PATJ: variants seen among roughly 807,000 people sequenced by gnomAD.
The protein encoded by PATJ is PATJ crumbs cell polarity complex component.
Under a neutral mutation model 224.9 loss-of-function variants are expected in PATJ, and 190 were observed. The ratio of observed to expected loss-of-function variants is 0.84; its 90% CI spans 0.75 to 0.95. The LOEUF (loss-of-function observed/expected upper bound fraction) is 0.95, where lower values mean the gene tolerates loss of function less well. PATJ is among the 40% of genes least tolerant of loss of function. The probability of loss-of-function intolerance (pLI) is 0.00; values close to 1 mark genes in which losing one functional copy is unlikely to be tolerated. For missense variants in PATJ, 2,121 were observed against 2,270.3 expected (o/e 0.93, Z 1.34); for synonymous variants, 769 against 820.3 (o/e 0.94, Z 1.07).
In PATJ at chr1:61,944,107, G is replaced by A. The variant is rs538093207; in HGVS notation, c.3670+16278G>A. On this transcript the variant is annotated intron_variant, in intron 27 of 43. Coordinates refer to ENST00000642238, the MANE Select transcript of PATJ (RefSeq NM_001350145.3). The stretch of plus-strand genomic sequence containing the variant: ...GGGACCAAAGGTAGATAAAACCATG[G>A]AGATGGGGAGAAACCAGAGCAGAAA... Among the ~76,000 whole-genome samples the A allele has an allele frequency of 4.0e-3, 615 of 152,292 alleles. 3 individuals carry two copies. The highest frequency in any genetic ancestry group is 0.01 in the Middle Eastern group (3 of 294).
At position 61,864,634 on chromosome 1, in the gene PATJ, G is replaced by T. The variant is rs779335424; in HGVS notation, c.2835+1G>T. On this transcript the variant is annotated splice_donor_variant, in intron 20 of 43. Coordinates refer to ENST00000642238, the MANE Select transcript of PATJ (RefSeq NM_001350145.3). LOFTEE classifies it high-confidence loss of function. Reference sequence around the variant, plus strand: ...GTATGGCTATTGCCCTGAAAATGTGGTAAGAGATTAGAATAGATATTCCAC... The same window carrying T: ...GTATGGCTATTGCCCTGAAAATGTGTTAAGAGATTAGAATAGATATTCCAC... 1.4e-5 allele frequency: 22 copies of T among 1,585,524 alleles called. No individual in the cohort carries two copies. Among genetic ancestry groups the T allele is most frequent in the Admixed American group, 1.0e-4 (6 of 59,576 alleles).
chr1:61,745,715 T>C (rs1644988567), intron 1 of PATJ, among the ~76,000 whole-genome samples: 2 of 151,564 alleles, frequency 1.3e-5, no homozygotes, highest in Non-Finnish European at 2.9e-5. Flanking sequence ...GCGCTTCTCT[T>C]GCCTCAGCTT....
chr1:61,756,526 A>C (rs774491223), intron 1 of PATJ, among the ~76,000 whole-genome samples: 2 of 149,306 alleles, frequency 1.3e-5, no homozygotes, highest in African/African-American at 2.5e-5. Flanking sequence ...AGAACCACTA[A>C]CCTAGGGTAG....
intron 22 of PATJ, among the ~76,000 whole-genome samples, chr1:61,890,126 G>T (rs1669395150): frequency 6.6e-6 from 1 of 152,122 alleles, no homozygotes; most frequent in African/African-American, 2.4e-5. Context: ...ACCCTGAAAG[G>T]GTTTCCTTTG....
intron 14 of PATJ, among the ~76,000 whole-genome samples, chr1:61,809,586 C>G (rs781703370): frequency 4.1e-4 from 62 of 151,782 alleles, no homozygotes; most frequent in Admixed American, 1.6e-3. Flanking sequence ...GAGGTTTCTC[C>G]CTGTTGGTCA....
At chr1:62,001,787 T>C (rs113752825) in intron 28 of PATJ, among the ~76,000 whole-genome samples, 5,342 of 151,910 alleles carry the variant, frequency 0.035, 229 homozygotes, top group African/African-American at 0.1. Context: ...TATGGCCATT[T>C]TCACGATATT....
At chr1:62,090,292 C>T (rs950705625) in intron 33 of PATJ, among the ~76,000 whole-genome samples, 2 of 152,104 alleles carry the variant, frequency 1.3e-5, no homozygotes. Context: ...TTGGTGGATG[C>T]GGCTCTTCTG....
chr1:62,147,494 A>G (rs991154328), intron 41 of PATJ, among the ~76,000 whole-genome samples: 11 of 152,108 alleles, frequency 7.2e-5, no homozygotes, highest in Non-Finnish European at 1.3e-4. Context: ...AACTCCCTCT[A>G]CAAATACAAA....
chr1:61,988,114 G>T (rs529279124), intron 27 of PATJ, among the ~76,000 whole-genome samples: 1 of 152,152 alleles, frequency 6.6e-6, no homozygotes, highest in Non-Finnish European at 1.5e-5. Flanking sequence ...CACAAGAATC[G>T]CTTGAACCTG....
intron 32 of PATJ, among the ~76,000 whole-genome samples, chr1:62,080,584 G>A (rs542231361): frequency 1.9e-3 from 291 of 152,084 alleles, no homozygotes; most frequent in South Asian, 7.5e-3. Flanking sequence ...TGCCTGCCTC[G>A]GCCTCCAAAA....
intron 14 of PATJ, among the ~76,000 whole-genome samples, chr1:61,814,547 T>TGTGTGTGTGTGTGC (rs370488022): frequency 1.9e-3 from 266 of 142,552 alleles, no homozygotes; most frequent in African/African-American, 6.8e-3. Flanking sequence ...TGTGTGTGTG[T>TGTGTGTGTGTGTGC]GCGCGCGCGC....
intron 27 of PATJ, among the ~76,000 whole-genome samples, chr1:61,928,594 G>A (rs2149292283): frequency 6.6e-6 from 1 of 152,190 alleles, no homozygotes; most frequent in Middle Eastern, 3.4e-3. Context: ...TACTCTAGCA[G>A]TTCCTAGAGT....
chr1:61,892,631 T>A (rs7512340), intron 22 of PATJ, among the ~76,000 whole-genome samples: 1 of 152,172 alleles, frequency 6.6e-6, no homozygotes, highest in South Asian at 2.1e-4. Flanking sequence ...CTGGTTGAAT[T>A]TAAGAGGCAA....
At chr1:62,039,937 TG>T (rs915604125) in intron 30 of PATJ, among the ~76,000 whole-genome samples, 1 of 151,364 alleles carries the variant, frequency 6.6e-6, no homozygotes, top group Non-Finnish European at 1.5e-5. Flanking sequence ...GTCTCCTGGT[TG>T]GGGGGTGGGG....
intron 41 of PATJ, among the ~76,000 whole-genome samples, chr1:62,139,212 C>G (rs1211565337): frequency 1.3e-5 from 2 of 151,874 alleles, no homozygotes; most frequent in African/African-American, 4.8e-5. Context: ...ACCAGCCTGG[C>G]CAAGATGGTG....
chr1:61,980,239 T>C (rs1383056108), intron 27 of PATJ, among the ~76,000 whole-genome samples: 2 of 151,878 alleles, frequency 1.3e-5, no homozygotes, highest in South Asian at 4.1e-4. Context: ...GAGCCATGAT[T>C]ATGCCGCTGA....
At chr1:62,136,470 G>C (rs1666875703) in intron 41 of PATJ, among the ~76,000 whole-genome samples, 1 of 150,082 alleles carries the variant, frequency 6.7e-6, no homozygotes. Flanking sequence ...CCAGGCATGG[G>C]CTTTTCTTGT....
chr1:61,815,897 T>G (rs78951283), intron 14 of PATJ, among the ~76,000 whole-genome samples: 6,296 of 152,224 alleles, frequency 0.041, 447 homozygotes, highest in African/African-American at 0.14. Context: ...TAGGGATGGC[T>G]TTCTTGGCAA....
chr1:61,946,312 A>G (rs1464622426), intron 27 of PATJ, among the ~76,000 whole-genome samples: 3 of 152,216 alleles, frequency 2.0e-5, no homozygotes, highest in South Asian at 2.1e-4. Flanking sequence ...AAATTGATAG[A>G]CCACTAGCAA....
Sources: allele counts gnomAD v4.1 joint callset (sites outside exome capture counted in the v4.1 genomes callset), GRCh38; gene constraint gnomAD v4.1.1; transcripts MANE v1.5; gene names NCBI Gene and HGNC (gene_info 2026-07-23, HGNC 2026-07-21).